Variants in CPQ observed in about 807,000 individuals in gnomAD.
CPQ encodes carboxypeptidase Q, also known as Ser-Met dipeptidase.
A neutral mutation model predicts 45.7 loss-of-function variants in CPQ; 37 were observed. The observed-to-expected ratio is 0.81, with a 90% CI of 0.62 to 1.07. CPQ has a LOEUF of 1.07. Ranked by LOEUF, CPQ falls within the 50% of genes least tolerant of loss-of-function variation. The pLI is 0.00. For missense variants in CPQ, 537 were observed against 572.9 expected (o/e 0.94, Z 0.64); for synonymous variants, 186 against 205.8 (o/e 0.90, Z 0.82).
chr8:96,686,191 A>G lies in CPQ; in HGVS notation c.-35+40789A>G, dbSNP rs530655707. Among the ~76,000 whole-genome samples the G allele has an allele frequency of 4.6e-5, 7 of 152,090 alleles. No individual in the cohort carries two copies. The South Asian group carries it at 1.0e-3, about 23-fold the overall frequency. ...TTTTATCTCTTAAAATTTTACCTGC[A>G]TTTTACTGTCTAGTTATGTTATTCA... On this transcript the variant is annotated intron_variant, in intron 1 of 7. Coordinates refer to ENST00000220763, the MANE Select transcript of CPQ (RefSeq NM_016134.4).
Position 97,028,977 on chromosome 8 carries a change from A to G in CPQ, c.962-426A>G, listed in dbSNP as rs549392402. ...ATATTCAGACTAAAAAGTAATCTAC[A>G]TGGCTTATCCTGAAGTAGACCCAAA... On this transcript the variant is annotated intron_variant, in intron 5 of 7. Transcript: ENST00000220763. Among the ~76,000 whole-genome samples the G allele has an allele frequency of 3.9e-5, 6 of 152,342 alleles. No individual in the cohort carries two copies. In the East Asian group the frequency reaches 1.2e-3, roughly 29 times the overall value.
At chr8:96,860,875 G>GT (rs746240529) in intron 3 of CPQ, among the ~76,000 whole-genome samples, 5 of 152,102 alleles carry the variant, frequency 3.3e-5, no homozygotes, top group Non-Finnish European at 7.4e-5. Flanking sequence ...AGAAACTGTA[G>GT]TATCTATTTT....
chr8:96,986,238 A>G (rs1225962702), intron 5 of CPQ, among the ~76,000 whole-genome samples: 1 of 152,200 alleles, frequency 6.6e-6, no homozygotes, highest in African/African-American at 2.4e-5. Context: ...TAGCACAAGG[A>G]GTATCATACA....
At position 96,708,900 on chromosome 8, in the gene CPQ, T is replaced by C. The variant is rs564030155; in HGVS notation, c.-35+63498T>C. On this transcript the variant is annotated intron_variant, in intron 1 of 7. Coordinates refer to ENST00000220763, the MANE Select transcript of CPQ (RefSeq NM_016134.4). ...TCACCCACCATTCACCACTGTTGAA[T>C]ATTCTTAATATATAACTCCTAAAAT... Among the ~76,000 whole-genome samples the C allele has an allele frequency of 4.6e-5, 7 of 152,322 alleles. No homozygotes were observed. In the South Asian group the frequency reaches 1.0e-3, roughly 23 times the overall value.
At chr8:96,776,579 G>T (rs1281391842) in intron 1 of CPQ, among the ~76,000 whole-genome samples, 1 of 152,020 alleles carries the variant, frequency 6.6e-6, no homozygotes, top group Admixed American at 6.6e-5. Flanking sequence ...ATTTTTAGGA[G>T]AAATATTTAG....
At chr8:97,123,227 AAAATAAAAT>A (rs1168016952) in intron 7 of CPQ, among the ~76,000 whole-genome samples, 4 of 144,946 alleles carry the variant, frequency 2.8e-5, no homozygotes, top group East Asian at 2.0e-4. Flanking sequence ...AAAATAAAAT[AAAATAAAAT>A]AAATAAAATA....
At chr8:96,744,440 C>T (rs547542511) in intron 1 of CPQ, among the ~76,000 whole-genome samples, 110 of 152,308 alleles carry the variant, frequency 7.2e-4, no homozygotes, top group African/African-American at 2.3e-3. Context: ...CTGTCTTCTG[C>T]GTCGGTCATG....
In CPQ at chr8:96,724,490, G is replaced by GACACACAC. The variant is rs146087978; in HGVS notation, c.-34-60345_-34-60338dup. Among the ~76,000 whole-genome samples, 526 of 144,776 alleles carry GACACACAC rather than the reference G, an allele frequency of 3.6e-3. 1 individual carries two copies. The highest frequency in any genetic ancestry group is 0.013 in the African/African-American group (497 of 39,398). The allele number at this position is 144,776 out of a possible 152,430, so 95.0% of individuals were successfully genotyped here. A position where few individuals can be genotyped will look rare whatever the true frequency, so the allele number is the denominator to read the frequency against. ...CAAGAATGCAGTCCCATTTAGAGTA[G>GACACACAC]ACACACACACACACACACACACACA... On this transcript the variant is annotated intron_variant, in intron 1 of 7. Coordinates refer to ENST00000220763, the MANE Select transcript of CPQ (RefSeq NM_016134.4).
chr8:96,886,865 T>C (rs935297524), intron 4 of CPQ, among the ~76,000 whole-genome samples: 2 of 152,232 alleles, frequency 1.3e-5, no homozygotes, highest in Non-Finnish European at 2.9e-5. Context: ...CCTGACATCT[T>C]TTCCCTAAGC....
At chr8:96,720,536 A>C (rs1005862908) in intron 1 of CPQ, among the ~76,000 whole-genome samples, 1 of 152,194 alleles carries the variant, frequency 6.6e-6, no homozygotes. Context: ...GCCCCTATAA[A>C]TTACTAGGAC....
chr8:96,796,729 A>T (rs1810934975), intron 2 of CPQ, among the ~76,000 whole-genome samples: 1 of 152,148 alleles, frequency 6.6e-6, no homozygotes, highest in African/African-American at 2.4e-5. Context: ...GTGTAGCTAG[A>T]CTTGGATTTT....
intron 3 of CPQ, among the ~76,000 whole-genome samples, chr8:96,867,617 C>A (rs1412126074): frequency 6.6e-6 from 1 of 151,956 alleles, no homozygotes; most frequent in Non-Finnish European, 1.5e-5. Flanking sequence ...TCCCACCACC[C>A]AGACAAAACC....
intron 7 of CPQ, chr8:97,133,038 A>C (rs1251632674): frequency 6.6e-6 from 1 of 152,224 alleles, no homozygotes; most frequent in African/African-American, 2.4e-5. Context: ...TTATAAAGTC[A>C]AAGATAATGA....
chr8:96,660,072 C>T (rs1156755759), intron 1 of CPQ, among the ~76,000 whole-genome samples: 5 of 152,164 alleles, frequency 3.3e-5, no homozygotes, highest in African/African-American at 1.2e-4. Flanking sequence ...TAGGTGGATT[C>T]ATAGTGCATG....
chr8:96,761,178 C>T (rs1418588941), intron 1 of CPQ: 1 of 152,104 alleles, frequency 6.6e-6, no homozygotes. Context: ...CTTCCTGATC[C>T]AAGGTAGTTT....
intron 4 of CPQ, among the ~76,000 whole-genome samples, chr8:96,957,810 A>AC (rs1813380076): frequency 6.6e-6 from 1 of 151,866 alleles, no homozygotes; most frequent in South Asian, 2.1e-4. Context: ...AAAAAACAAA[A>AC]AAAAAAAAGT....
chr8:96,832,330 A>G (rs1811470062), intron 2 of CPQ, among the ~76,000 whole-genome samples: 1 of 152,126 alleles, frequency 6.6e-6, no homozygotes, highest in Non-Finnish European at 1.5e-5. Flanking sequence ...CTGAGTTCCT[A>G]TGGGAGAAGG....
intron 3 of CPQ, among the ~76,000 whole-genome samples, chr8:96,847,022 C>CT (rs1262905703): frequency 6.6e-6 from 1 of 152,136 alleles, no homozygotes; most frequent in Non-Finnish European, 1.5e-5. Context: ...ATATATTTGG[C>CT]AAGGGTTCTA....
At chr8:97,057,428 G>A (rs2130515241) in intron 6 of CPQ, among the ~76,000 whole-genome samples, 1 of 152,168 alleles carries the variant, frequency 6.6e-6, no homozygotes, top group Non-Finnish European at 1.5e-5. Flanking sequence ...CCTTAGAACT[G>A]AGCGCTAGAA....
Sources: allele counts gnomAD v4.1 joint callset (sites outside exome capture counted in the v4.1 genomes callset), GRCh38; gene constraint gnomAD v4.1.1; transcripts MANE v1.5; gene names NCBI Gene and HGNC (gene_info 2026-07-23, HGNC 2026-07-21).